The following CELF1 variants were observed in gnomAD, a reference collection of about 807,000 sequenced individuals.
The protein encoded by CELF1 is 50 kDa nuclear polyadenylated RNA-binding protein.
Under a neutral mutation model 61.8 loss-of-function variants are expected in CELF1, and 10 were observed. The observed-to-expected ratio is 0.16, with a 90% CI of 0.10 to 0.27. CELF1 has a LOEUF of 0.27. Ranked by LOEUF, CELF1 falls within the 10% of genes least tolerant of loss-of-function variation. CELF1 has a pLI of 1.00. For synonymous variants in CELF1, 236 were observed against 225.1 expected (o/e 1.05, Z -0.43); for missense variants, 380 against 639.1 (o/e 0.59, Z 4.37).
At chr11:47,479,570 T>C (rs937811952) in intron 9 of CELF1, among the ~76,000 whole-genome samples, 3 of 152,238 alleles carry the variant, frequency 2.0e-5, no homozygotes, top group African/African-American at 7.2e-5. Context: ...GATGACCAAA[T>C]GACTGATGGA....
chr11:47,546,416 G>A (rs758119298), intron 1 of CELF1, among the ~76,000 whole-genome samples: 2 of 151,628 alleles, frequency 1.3e-5, no homozygotes, highest in Non-Finnish European at 2.9e-5. Flanking sequence ...ACAGGCATGC[G>A]CCACCACACC....
intron 1 of CELF1, among the ~76,000 whole-genome samples, chr11:47,548,939 G>C (rs528214391): frequency 2.7e-5 from 4 of 149,782 alleles, no homozygotes; most frequent in African/African-American, 9.8e-5. Flanking sequence ...CAAAAAACTT[G>C]ATTAAAAACT....
chr11:47,541,269 AT>A (rs1177777918), intron 1 of CELF1, among the ~76,000 whole-genome samples: 1 of 136,652 alleles, frequency 7.3e-6, no homozygotes. Flanking sequence ...TATCATACAT[AT>A]TCACACAGTC....
At chr11:47,535,301 CA>C (rs1035020637) in intron 1 of CELF1, among the ~76,000 whole-genome samples, 1 of 149,934 alleles carries the variant, frequency 6.7e-6, no homozygotes, top group Non-Finnish European at 1.5e-5. Flanking sequence ...ATTCACAAAC[CA>C]AAAGAAAAAA....
At chr11:47,529,347 G>A (rs912452181) in intron 1 of CELF1, among the ~76,000 whole-genome samples, 4 of 151,968 alleles carry the variant, frequency 2.6e-5, no homozygotes, top group Admixed American at 6.6e-5. Flanking sequence ...TCAGAAGTTC[G>A]AGACCAGCCC....
intron 1 of CELF1, chr11:47,513,579 C>T (rs1024137873): frequency 1.3e-5 from 2 of 151,954 alleles, no homozygotes; most frequent in Admixed American, 1.3e-4. Flanking sequence ...CCTGCCTCAG[C>T]CTTCCGAGTA....
rs370927221 is a variant in CELF1, at chr11:47,489,009, G to A, written c.87C>T (p.Asn29=). The part of the protein sequence containing the change: ...LNSSPVSKKM[N]GTLDHPDQPD... ...GTTGGTCTGGGTGGTCCAGGGTGCCGTTCATTTTCTTTGAGCTGTGTGAGA... is the reference window on the plus strand; with the variant it reads ...GTTGGTCTGGGTGGTCCAGGGTGCCATTCATTTTCTTTGAGCTGTGTGAGA... Residue 29 remains asparagine, a synonymous_variant, in exon 4 of 15, where the codon AAC becomes AAT. Transcript: ENST00000687097. 8.2e-6 allele frequency: 13 copies of A among 1,583,548 alleles called. No homozygotes were observed. The highest frequency in any genetic ancestry group is 6.9e-5 in the African/African-American group (5 of 72,546).
At chr11:47,519,943 A>C (rs560034534) in intron 1 of CELF1, among the ~76,000 whole-genome samples, 2 of 151,882 alleles carry the variant, frequency 1.3e-5, no homozygotes, top group Non-Finnish European at 2.9e-5. Flanking sequence ...ACTCCTAAAA[A>C]AACTCAACTG....
At chr11:47,518,618 T>G (rs1159196200) in intron 1 of CELF1, among the ~76,000 whole-genome samples, 4 of 152,202 alleles carry the variant, frequency 2.6e-5, no homozygotes, top group Admixed American at 2.6e-4. Flanking sequence ...TCTCTCTCCC[T>G]TATCTCAGGG....
At chr11:47,502,621 A>G (rs1228613064) in intron 1 of CELF1, among the ~76,000 whole-genome samples, 1 of 152,094 alleles carries the variant, frequency 6.6e-6, no homozygotes, top group Non-Finnish European at 1.5e-5. Flanking sequence ...TCATGAGGTC[A>G]GGAGATCGAG....
chr11:47,514,916 C>G (rs574680963), intron 1 of CELF1: 1 of 152,336 alleles, frequency 6.6e-6, no homozygotes, highest in South Asian at 2.1e-4. Context: ...TGCCCACACA[C>G]TGGGTGTAAC....
chr11:47,480,259 G>C (rs1345184796), intron 9 of CELF1, among the ~76,000 whole-genome samples: 1 of 152,068 alleles, frequency 6.6e-6, no homozygotes, highest in African/African-American at 2.4e-5. Context: ...GCTAATTTTT[G>C]TATTTTTAGT....
At position 47,481,143 on chromosome 11, in the gene CELF1, G is replaced by A. The variant is rs911542733; in HGVS notation, c.768+1552C>T. Among the ~76,000 whole-genome samples the A allele has an allele frequency of 7.0e-5, 7 of 100,470 alleles. No homozygotes were observed. In the East Asian group the frequency reaches 1.6e-3, roughly 23 times the overall value. 65.9% of individuals were successfully genotyped at this position (100,470 alleles called of 152,430 possible). A position where few individuals can be genotyped will look rare whatever the true frequency, so the allele number is the denominator to read the frequency against. On this transcript the variant is annotated intron_variant, in intron 9 of 14. Transcript: ENST00000687097. The stretch of plus-strand genomic sequence containing the variant: ...TTTTTTTTTTGTGAGACAGAGTCTC[G>A]CTCTATTGCCCAGGCTGGAGTGCAA...
intron 1 of CELF1, among the ~76,000 whole-genome samples, chr11:47,534,180 CA>C (rs1444568925): frequency 6.6e-6 from 1 of 151,424 alleles, no homozygotes; most frequent in Non-Finnish European, 1.5e-5. Context: ...AGGCGCCTGC[CA>C]CCATGCCCGG....
intron 1 of CELF1, among the ~76,000 whole-genome samples, chr11:47,518,898 A>G (rs2095702106): frequency 1.3e-5 from 2 of 152,126 alleles, no homozygotes; most frequent in African/African-American, 4.8e-5. Context: ...ACCATCAAAC[A>G]CACGGGCACT....
At chr11:47,547,692 A>C (rs1165405772) in intron 1 of CELF1, among the ~76,000 whole-genome samples, 2 of 150,502 alleles carry the variant, frequency 1.3e-5, no homozygotes, top group Non-Finnish European at 3.0e-5. Context: ...AAGAAAAAAA[A>C]AAGGAAATTA....
intron 1 of CELF1, chr11:47,524,902 T>G (rs186554088): frequency 6.6e-6 from 1 of 152,206 alleles, no homozygotes; most frequent in South Asian, 2.1e-4. Context: ...AGGCTGGTAC[T>G]TGAAATAAGG....
At chr11:47,475,596 T>C (rs746570387) in intron 12 of CELF1, 75 bp from the exon 13 acceptor site, 26 of 1,469,692 alleles carry the variant, frequency 1.8e-5, no homozygotes, top group Admixed American at 9.6e-5. Context: ...ACTTGGGACA[T>C]CTAGAAGAGG....
intron 1 of CELF1, among the ~76,000 whole-genome samples, chr11:47,509,373 T>A (rs1263573826): frequency 1.3e-5 from 2 of 151,966 alleles, no homozygotes; most frequent in Non-Finnish European, 2.9e-5. Flanking sequence ...AGTACACAGG[T>A]GGTTCTAAAG....
Sources: allele counts gnomAD v4.1 joint callset (sites outside exome capture counted in the v4.1 genomes callset), GRCh38; gene constraint gnomAD v4.1.1; transcripts MANE v1.5; gene names NCBI Gene and HGNC (gene_info 2026-07-23, HGNC 2026-07-21).